CA13: variants seen among roughly 807,000 people sequenced by gnomAD.
CA13 encodes CA-XIII.
Under a neutral mutation model 31.5 loss-of-function variants are expected in CA13, and 21 were observed. That is an observed-to-expected ratio of 0.67 (90% CI 0.47 to 0.96). The LOEUF is 0.96. Ranked by LOEUF, CA13 falls within the 40% of genes least tolerant of loss-of-function variation. CA13 has a pLI of 0.00. For missense variants in CA13, 315 were observed against 318.9 expected (o/e 0.99, Z 0.09); for synonymous variants, 117 against 111.4 (o/e 1.05, Z -0.32).
rs1002389576 is a variant in CA13, at chr8:85,268,608, T to C, written c.650T>C (p.Ile217Thr). Reference sequence around the variant, plus strand: ...ACATGGATTGTTTTAAAGCAACCTATAAACATCAGCTCTCAACAGGTACAT... The same window carrying C: ...ACATGGATTGTTTTAAAGCAACCTACAAACATCAGCTCTCAACAGGTACAT... ...SVTWIVLKQPINISSQQLAKF... is the reference protein window; with the variant it reads ...SVTWIVLKQPTNISSQQLAKF... Residue 217 changes from isoleucine to threonine, a missense_variant, in exon 6 of 7, where the codon ATA (isoleucine) becomes ACA (threonine). Physicochemically the swap from Ile to Thr is moderately conservative, Grantham distance 89 (BLOSUM62 -1). Coordinates refer to ENST00000321764, the MANE Select transcript of CA13 (RefSeq NM_198584.3). 3.1e-6 allele frequency: 5 copies of C among 1,613,646 alleles called. No homozygotes were observed. In the African/African-American group the frequency reaches 6.7e-5, roughly 22 times the overall value.
Position 85,273,046 on chromosome 8 carries a change from G to A in CA13, c.669+4419G>A, listed in dbSNP as rs201710015. Among the ~76,000 whole-genome samples the A allele has an allele frequency of 7.2e-5, 11 of 152,288 alleles. No homozygotes were observed. In the East Asian group the frequency reaches 1.2e-3, roughly 16 times the overall value. On this transcript the variant is annotated intron_variant, in intron 6 of 6. Coordinates refer to ENST00000321764, the MANE Select transcript of CA13 (RefSeq NM_198584.3). Reference sequence around the variant, plus strand: ...TTAGCCAGGCTGGTCTCAAACTCCCGACTTCAAGTGATTTGCCCGCCTTGG... The same window carrying A: ...TTAGCCAGGCTGGTCTCAAACTCCCAACTTCAAGTGATTTGCCCGCCTTGG...
intron 6 of CA13, among the ~76,000 whole-genome samples, chr8:85,271,573 T>C (rs1301384762): frequency 6.6e-6 from 1 of 152,194 alleles, no homozygotes; most frequent in Non-Finnish European, 1.5e-5. Flanking sequence ...CCAAGTCTCT[T>C]TGGGTTATCC....
At chr8:85,264,855 C>A (rs1807435162) in intron 3 of CA13, among the ~76,000 whole-genome samples, 1 of 152,196 alleles carries the variant, frequency 6.6e-6, no homozygotes, top group South Asian at 2.1e-4. Context: ...TCTGTTTCAT[C>A]ACCCGGTGTT....
chr8:85,245,721 G>C lies in CA13; in HGVS notation c.-108G>C, dbSNP rs1238849925. On this transcript the variant is annotated 5_prime_UTR_variant, in exon 1 of 7. Coordinates refer to ENST00000321764, the MANE Select transcript of CA13 (RefSeq NM_198584.3). ...TTCACGGTCTCGCACTCCTGCCGCC[G>C]GCGCCCCGCGGTCCCGCCCTAGCAG... 1.1e-5 allele frequency: 14 copies of C among 1,309,146 alleles called. No individual in the cohort carries two copies. The highest frequency in any genetic ancestry group is 1.5e-5 in the Non-Finnish European group (14 of 912,992). The allele number at this position is 1,309,146 out of a possible 1,614,324, so 81.1% of individuals were successfully genotyped here.
chr8:85,262,730 C>T (rs546999550), intron 3 of CA13, among the ~76,000 whole-genome samples: 1 of 152,168 alleles, frequency 6.6e-6, no homozygotes, highest in African/African-American at 2.4e-5. Flanking sequence ...CTAAGGGGAG[C>T]TTTGGAGGAA....
At chr8:85,246,101 G>A (rs1813724829) in intron 1 of CA13, among the ~76,000 whole-genome samples, 1 of 152,178 alleles carries the variant, frequency 6.6e-6, no homozygotes, top group African/African-American at 2.4e-5. Flanking sequence ...TCTCTGTCAG[G>A]ATTCCCCAAA....
rs1807706223 is a variant in CA13, at chr8:85,281,463, A to G, written c.*114A>G. 1 of 1,474,968 alleles carries G rather than the reference A, an allele frequency of 6.8e-7. No homozygotes were observed. The highest frequency in any genetic ancestry group is 9.0e-7 in the Non-Finnish European group (1 of 1,107,928). 91.4% of individuals were successfully genotyped at this position (1,474,968 alleles called of 1,614,324 possible). On this transcript the variant is annotated 3_prime_UTR_variant, in exon 7 of 7. Transcript: ENST00000321764. ...TGTGGAATTCTAATTTATAGGAAAC[A>G]TTTTAGTATGAGCTTCAGTGTCACA...
intron 6 of CA13, among the ~76,000 whole-genome samples, chr8:85,276,092 G>T (rs563914732): frequency 3.3e-5 from 5 of 152,154 alleles, no homozygotes; most frequent in African/African-American, 9.7e-5. Flanking sequence ...GTGGGGCTGC[G>T]GGCGGTGCTT....
chr8:85,281,153 A>T (rs1353252901), intron 6 of CA13, 77 bp from the exon 7 acceptor site: 3 of 1,527,650 alleles, frequency 2.0e-6, no homozygotes, highest in East Asian at 2.3e-5. Flanking sequence ...TTATAGATAT[A>T]TCTTCTTTAT....
At chr8:85,276,465 C>T (rs1587546279) in intron 6 of CA13, among the ~76,000 whole-genome samples, 1 of 152,374 alleles carries the variant, frequency 6.6e-6, no homozygotes, top group African/African-American at 2.4e-5. Context: ...GGTGCGAGAT[C>T]CACTGGGTGA....
chr8:85,273,692 T>C (rs1807560619), intron 6 of CA13, among the ~76,000 whole-genome samples: 1 of 151,788 alleles, frequency 6.6e-6, no homozygotes, highest in Non-Finnish European at 1.5e-5. Context: ...CACTTCCTGT[T>C]TACAGAGGAC....
At chr8:85,250,136 G>A (rs13259399) in intron 1 of CA13, among the ~76,000 whole-genome samples, 112,677 of 152,194 alleles carry the variant, frequency 0.74, 42,492 homozygotes, top group African/African-American at 0.85. Context: ...GTTTCCTGAC[G>A]TGGTGCAGCC....
chr8:85,268,704 C>G (rs1807489458), intron 6 of CA13, 77 bp downstream of exon 6: 2 of 1,233,416 alleles, frequency 1.6e-6, no homozygotes, highest in African/African-American at 1.5e-5. Context: ...TCAACCCTGC[C>G]CTTAATTTCT....
intron 1 of CA13, chr8:85,246,213 TGATGACACACTTCA>T: frequency 2.1e-6 from 1 of 478,256 alleles, no homozygotes; most frequent in Non-Finnish European, 3.9e-6. Flanking sequence ...ATCAGAAGTC[TGATGACACACTTCA>T]GTGAAATAAG....
rs117836292 is a variant in CA13, at chr8:85,256,449, A to G, written c.236-2972A>G. On this transcript the variant is annotated intron_variant, in intron 2 of 6. Transcript: ENST00000321764. ...TTGATGAATTCAGTGATCGTTCTTT[A>G]ATTTTCATCTCTAGAAAATGCCAAT... Among the ~76,000 whole-genome samples, 16 of 152,358 alleles carry G rather than the reference A, an allele frequency of 1.1e-4. No homozygotes were observed. The East Asian group carries it at 3.1e-3, about 29-fold the overall frequency.
At chr8:85,267,286 G>A in intron 4 of CA13, 1 of 985,896 alleles carries the variant, frequency 1.0e-6, no homozygotes, top group South Asian at 4.7e-5. Context: ...CTTCACGGAT[G>A]GCAACAATTC....
chr8:85,247,767 C>T (rs1346455300), intron 1 of CA13, among the ~76,000 whole-genome samples: 3 of 152,058 alleles, frequency 2.0e-5, no homozygotes, highest in Non-Finnish European at 2.9e-5. Context: ...GACAAGGTTT[C>T]GTCATGTTGG....
intron 6 of CA13, among the ~76,000 whole-genome samples, chr8:85,276,480 A>C (rs940718662): frequency 6.6e-6 from 1 of 152,268 alleles, no homozygotes; most frequent in Admixed American, 6.5e-5. Context: ...GGGTGAAGCC[A>C]GCTGGGCTCC....
rs1054494405 is a variant in CA13 at position 85,245,681 on chromosome 8, G to A, written c.-148G>A. ...TGCCGTCTGGAGGACGCAGGCGGGA[G>A]CGCCCCGGACCGGGTTCACGGTCTC... On this transcript the variant is annotated 5_prime_UTR_variant, in exon 1 of 7. Coordinates refer to ENST00000321764, the MANE Select transcript of CA13 (RefSeq NM_198584.3). 3.5e-6 allele frequency: 3 copies of A among 846,440 alleles called. No homozygotes were observed. Among genetic ancestry groups the A allele is most frequent in the Non-Finnish European group, 5.7e-6 (3 of 527,398 alleles). 52.4% of individuals were successfully genotyped at this position (846,440 alleles called of 1,614,324 possible).
Sources: allele counts gnomAD v4.1 joint callset (sites outside exome capture counted in the v4.1 genomes callset), GRCh38; gene constraint gnomAD v4.1.1; transcripts MANE v1.5; gene names NCBI Gene and HGNC (gene_info 2026-07-23, HGNC 2026-07-21).